FSTL5: variants seen among roughly 807,000 people sequenced by gnomAD.
FSTL5 encodes follistatin-related protein 5.
FSTL5 carries 62 observed loss-of-function variants against 89.1 expected under a neutral mutation model. That is an observed-to-expected ratio of 0.70 (90% confidence interval 0.57 to 0.86). The LOEUF (loss-of-function observed/expected upper bound fraction) is 0.86, where lower values mean the gene tolerates loss of function less well. Among genes scored for constraint, FSTL5 ranks in the 40% least tolerant of loss-of-function variants. The pLI is 0.00. For missense variants in FSTL5, 1,057 were observed against 1,001.6 expected (o/e 1.06, Z -0.75); for synonymous variants, 383 against 346.2 (o/e 1.11, Z -1.18).
At chr4:161,562,420 C>A (rs1578926893) in intron 8 of FSTL5, among the ~76,000 whole-genome samples, 1 of 151,776 alleles carries the variant, frequency 6.6e-6, no homozygotes, top group Non-Finnish European at 1.5e-5. Context: ...GGGAGTATTG[C>A]CATCTTAATA....
intron 4 of FSTL5, among the ~76,000 whole-genome samples, chr4:161,824,764 T>C (rs1730613014): frequency 6.6e-6 from 1 of 152,216 alleles, no homozygotes; most frequent in South Asian, 2.1e-4. Context: ...ATAGCAGAGC[T>C]ACTGATTTGT....
At chr4:162,064,101 C>T (rs1162663180) in intron 2 of FSTL5, among the ~76,000 whole-genome samples, 3 of 151,914 alleles carry the variant, frequency 2.0e-5, no homozygotes, top group East Asian at 1.9e-4. Context: ...TATTCATCTA[C>T]CTTCTCTTGG....
rs573408414 is a variant in FSTL5, at chr4:161,614,403, C to T, written c.895-26828G>A. Among the ~76,000 whole-genome samples, 8 of 152,194 alleles carry T rather than the reference C, an allele frequency of 5.3e-5. No homozygotes were observed. In the East Asian group the frequency reaches 1.5e-3, roughly 29 times the overall value. On this transcript the variant is annotated intron_variant, in intron 7 of 15. Coordinates refer to ENST00000306100, the MANE Select transcript of FSTL5 (RefSeq NM_020116.5). ...TCCTTCATTTTAAATAAATAAATTG[C>T]AGTCAGTAAATCTTCTAATATACTG...
At chr4:161,400,240 GCAGTCTTTGTT>G (rs1483968269) in intron 15 of FSTL5, among the ~76,000 whole-genome samples, 1 of 151,888 alleles carries the variant, frequency 6.6e-6, no homozygotes, top group Non-Finnish European at 1.5e-5. Flanking sequence ...GTTTACATTT[GCAGTCTTTGTT>G]CAGTGGATAT....
At chr4:161,538,121 C>A in intron 10 of FSTL5, 45 bp downstream of exon 10, 1 of 1,582,190 alleles carries the variant, frequency 6.3e-7, no homozygotes, top group East Asian at 2.3e-5. Flanking sequence ...TAAAAAAGTA[C>A]GTTGAATATG....
chr4:161,887,412 TATCTATCTATCTATC>T (rs202072697), intron 4 of FSTL5, among the ~76,000 whole-genome samples: 18,836 of 106,094 alleles, frequency 0.18, 1,226 homozygotes, highest in East Asian at 0.24. Context: ...TCTATCTATC[TATCTATCTATCTATC>T]ATCTATCTAC....
intron 1 of FSTL5, among the ~76,000 whole-genome samples, chr4:162,159,356 T>C (rs1391121150): frequency 6.6e-6 from 1 of 152,056 alleles, no homozygotes; most frequent in Non-Finnish European, 1.5e-5. Context: ...TACAACTCAA[T>C]GAAGAAGTAT....
chr4:161,828,313 C>T (rs1730732035), intron 4 of FSTL5, among the ~76,000 whole-genome samples: 1 of 151,462 alleles, frequency 6.6e-6, no homozygotes, highest in South Asian at 2.1e-4. Flanking sequence ...TTGGGGCTGT[C>T]TCCTGGGGCC....
intron 4 of FSTL5, among the ~76,000 whole-genome samples, chr4:161,845,203 T>C (rs1731330688): frequency 1.3e-5 from 2 of 152,224 alleles, no homozygotes; most frequent in Non-Finnish European, 2.9e-5. Context: ...ATTAATGCAC[T>C]CTTCTCAGTT....
At chr4:162,040,646 A>G (rs1458001193) in intron 2 of FSTL5, among the ~76,000 whole-genome samples, 1 of 152,096 alleles carries the variant, frequency 6.6e-6, no homozygotes, top group African/African-American at 2.4e-5. Flanking sequence ...ATATATTATC[A>G]GTAAACTATA....
At chr4:161,914,761 G>C (rs1733793147) in intron 4 of FSTL5, among the ~76,000 whole-genome samples, 1 of 152,038 alleles carries the variant, frequency 6.6e-6, no homozygotes, top group South Asian at 2.1e-4. Context: ...AGAAAATATG[G>C]ATGACTTCAC....
At chr4:161,705,950 G>GTATATTGCA (rs775369439) in intron 6 of FSTL5, among the ~76,000 whole-genome samples, 1 of 18,606 alleles carries the variant, frequency 5.4e-5, no homozygotes, top group African/African-American at 1.2e-4. Flanking sequence ...GTGTAGATGT[G>GTATATTGCA]TGTATATATA....
At chr4:162,129,939 C>A (rs1277056840) in intron 1 of FSTL5, among the ~76,000 whole-genome samples, 1 of 152,114 alleles carries the variant, frequency 6.6e-6, no homozygotes, top group African/African-American at 2.4e-5. Context: ...TTTAAAGAAG[C>A]AACATGCTAG....
At chr4:161,692,705 C>A (rs997210130) in intron 6 of FSTL5, among the ~76,000 whole-genome samples, 46 of 151,874 alleles carry the variant, frequency 3.0e-4, no homozygotes, top group Admixed American at 7.2e-4. Flanking sequence ...ATCAACACTG[C>A]TTGTTTCTTT....
At chr4:161,688,461 G>C (rs531409800) in intron 6 of FSTL5, among the ~76,000 whole-genome samples, 95 of 152,254 alleles carry the variant, frequency 6.2e-4, no homozygotes, top group African/African-American at 2.2e-3. Context: ...CTTGGCATTA[G>C]TAGCTATACA....
intron 6 of FSTL5, among the ~76,000 whole-genome samples, chr4:161,703,290 A>G (rs1738464196): frequency 6.6e-6 from 1 of 152,096 alleles, no homozygotes; most frequent in African/African-American, 2.4e-5. Context: ...TGTTCCCAGA[A>G]TCTTTCAACC....
chr4:161,389,121 T>C (rs1730739572), intron 15 of FSTL5, among the ~76,000 whole-genome samples: 1 of 152,050 alleles, frequency 6.6e-6, no homozygotes, highest in Admixed American at 6.6e-5. Flanking sequence ...TTTCCCCTAG[T>C]ACAGATTGAT....
intron 15 of FSTL5, among the ~76,000 whole-genome samples, chr4:161,396,233 T>C (rs566630918): frequency 6.6e-6 from 1 of 152,064 alleles, no homozygotes; most frequent in South Asian, 2.1e-4. Flanking sequence ...ACATGACTGA[T>C]TAAGTAAAAT....
intron 3 of FSTL5, among the ~76,000 whole-genome samples, chr4:161,997,794 C>T (rs1238598676): frequency 2.0e-5 from 3 of 151,450 alleles, no homozygotes; most frequent in Admixed American, 1.3e-4. Flanking sequence ...TTAGTAGAGA[C>T]GGGGCTTCAC....
Sources: gnomAD v4.1 joint callset for allele counts (sites outside exome capture counted in the v4.1 genomes callset) on GRCh38, gnomAD v4.1.1 for gene constraint, MANE v1.5 for transcripts, NCBI Gene and HGNC (gene_info 2026-07-23, HGNC 2026-07-21) for gene names.